Variants in ZNF609 observed in about 807,000 individuals in gnomAD.
The protein encoded by ZNF609 is zinc finger protein 609.
ZNF609 carries 11 observed loss-of-function variants against 109.5 expected under a neutral mutation model. The observed-to-expected ratio is 0.10, with a 90% CI of 0.06 to 0.17. ZNF609 has a LOEUF of 0.17. ZNF609 is among the 10% of genes least tolerant of loss of function. ZNF609 has a pLI of 1.00. For missense variants in ZNF609, 1,559 were observed against 1,772.4 expected, an observed-to-expected ratio of 0.88 and a Z score of 2.16; for synonymous variants, 646 against 662.0, an observed-to-expected ratio of 0.98 and a Z score of 0.37.
intron 3 of ZNF609, among the ~76,000 whole-genome samples, chr15:64,666,601 T>A (rs1896652465): frequency 6.6e-6 from 1 of 151,836 alleles, no homozygotes; most frequent in Non-Finnish European, 1.5e-5. Context: ...CTTGAACACC[T>A]CCTGGGTTCA....
intron 2 of ZNF609, among the ~76,000 whole-genome samples, chr15:64,549,971 G>GT (rs1329088105): frequency 2.6e-5 from 4 of 151,830 alleles, no homozygotes; most frequent in Admixed American, 2.0e-4. Flanking sequence ...TTTTCTTCAT[G>GT]TTTTTTTAAG....
At chr15:64,470,696 A>G (rs1250736459) in intron 1 of ZNF609, 1 of 151,560 alleles carries the variant, frequency 6.6e-6, no homozygotes, top group African/African-American at 2.4e-5. Flanking sequence ...TAATTTTTGT[A>G]TTTTTAGTAG....
intron 2 of ZNF609, among the ~76,000 whole-genome samples, chr15:64,551,996 A>C (rs1221151424): frequency 7.3e-6 from 1 of 137,686 alleles, no homozygotes; most frequent in African/African-American, 2.5e-5. Context: ...AAAAAAAAAA[A>C]AAAAAAGTTT....
intron 2 of ZNF609, among the ~76,000 whole-genome samples, chr15:64,563,830 A>G (rs921927041): frequency 1.3e-5 from 2 of 152,138 alleles, no homozygotes; most frequent in Non-Finnish European, 1.5e-5. Context: ...TATATAATAT[A>G]TATGTAATCC....
intron 2 of ZNF609, among the ~76,000 whole-genome samples, chr15:64,560,070 T>C (rs888839442): frequency 2.6e-5 from 4 of 152,150 alleles, no homozygotes; most frequent in African/African-American, 9.7e-5. Context: ...TTTTTGAGAC[T>C]GAGTCTCGCT....
Position 64,675,745 on chromosome 15 carries a change from G to A in ZNF609, c.2891G>A (p.Arg964His), listed in dbSNP as rs548327054. Residue 964 changes from arginine (R) to histidine (H), a missense_variant, in exon 5 of 10, where the codon CGT (arginine) becomes CAT (histidine). Coordinates refer to ENST00000326648, the MANE Select transcript of ZNF609 (RefSeq NM_015042.2). ...CAGCAGCCCTCGGTCATCCAGCAGC[G>A]TCCCAATATGTACATGCAGTCCCTG... is the stretch of plus-strand genomic sequence containing the variant. ...SSQQPSVIQQ[R>H]PNMYMQSLYY... The A allele has an allele frequency of 1.2e-5, 20 of 1,614,188 alleles. No homozygotes were observed. Among genetic ancestry groups the A allele is most frequent in the South Asian group, 4.4e-5 (4 of 91,086 alleles).
intron 3 of ZNF609, among the ~76,000 whole-genome samples, chr15:64,634,222 A>G (rs1896133844): frequency 6.6e-6 from 1 of 152,064 alleles, no homozygotes; most frequent in Non-Finnish European, 1.5e-5. Flanking sequence ...TACCCAGGAG[A>G]ACATTCGGCC....
At chr15:64,512,027 T>A (rs573379170) in intron 2 of ZNF609, among the ~76,000 whole-genome samples, 67 of 151,980 alleles carry the variant, frequency 4.4e-4, no homozygotes, top group Middle Eastern at 3.4e-3. Flanking sequence ...TTTTTTTTTT[T>A]AAGTTCAACA....
At chr15:64,625,936 TAGAGAGAGAGAGAGAGAGAGAG>T (rs36226491) in intron 3 of ZNF609, among the ~76,000 whole-genome samples, 1 of 79,594 alleles carries the variant, frequency 1.3e-5, no homozygotes, top group Non-Finnish European at 2.1e-5. Context: ...TATATATATA[TAGAGAGAGAGAGAGAGAGAGAG>T]AGAGAGAGAG....
chr15:64,630,091 C>CTT (rs200425813), intron 3 of ZNF609, among the ~76,000 whole-genome samples: 5,005 of 142,192 alleles, frequency 0.035, 452 homozygotes, highest in African/African-American at 0.13. Flanking sequence ...TCCTAATTTT[C>CTT]TTTTTTCTTT....
Position 64,652,021 on chromosome 15 carries a change from C to T in ZNF609, c.974-18325C>T, listed in dbSNP as rs149873331. Among the ~76,000 whole-genome samples the T allele has an allele frequency of 6.0e-3, 911 of 152,134 alleles. 14 individuals are homozygous for T. The highest frequency in any genetic ancestry group is 0.021 in the African/African-American group (875 of 41,512). Reference sequence around the variant, plus strand: ...AACTTAAGACATGAAACCTGAGAGCCCAGTTTACATTTTTCTTTTATTTAT... The same window carrying T: ...AACTTAAGACATGAAACCTGAGAGCTCAGTTTACATTTTTCTTTTATTTAT... On this transcript the variant is annotated intron_variant, in intron 3 of 9. Coordinates refer to ENST00000326648, the MANE Select transcript of ZNF609 (RefSeq NM_015042.2).
chr15:64,663,447 G>T (rs2141006320), intron 3 of ZNF609, among the ~76,000 whole-genome samples: 1 of 152,132 alleles, frequency 6.6e-6, no homozygotes, highest in East Asian at 1.9e-4. Flanking sequence ...GGAGAGGATG[G>T]GTATCAGGAG....
intron 7 of ZNF609, 55 bp from the exon 8 acceptor site, chr15:64,680,591 T>A: frequency 7.8e-7 from 1 of 1,275,654 alleles, no homozygotes. Context: ...GTGTGTGTGG[T>A]TGTATGCATA....
At chr15:64,602,061 T>A (rs1895505670) in intron 2 of ZNF609, among the ~76,000 whole-genome samples, 1 of 152,208 alleles carries the variant, frequency 6.6e-6, no homozygotes, top group African/African-American at 2.4e-5. Context: ...AGATAACATG[T>A]AGAACTCCTG....
chr15:64,648,107 G>A (rs145316567), intron 3 of ZNF609, among the ~76,000 whole-genome samples: 4 of 152,282 alleles, frequency 2.6e-5, no homozygotes, highest in South Asian at 4.1e-4. Context: ...AGTGCAGTGC[G>A]TAAACCATTT....
intron 2 of ZNF609, among the ~76,000 whole-genome samples, chr15:64,517,911 C>G (rs1025361156): frequency 6.6e-6 from 1 of 151,998 alleles, no homozygotes; most frequent in Non-Finnish European, 1.5e-5. Flanking sequence ...TCCCAAGTAT[C>G]TAGGACTACA....
intron 2 of ZNF609, among the ~76,000 whole-genome samples, chr15:64,540,271 G>C (rs1937277842): frequency 6.6e-6 from 1 of 152,214 alleles, no homozygotes; most frequent in South Asian, 2.1e-4. Flanking sequence ...GGTCAAAAGA[G>C]GAAACTCAAG....
chr15:64,601,449 T>A (rs1895496830), intron 2 of ZNF609, among the ~76,000 whole-genome samples: 1 of 152,200 alleles, frequency 6.6e-6, no homozygotes, highest in African/African-American at 2.4e-5. Context: ...CTAAGACTCA[T>A]ACCTAAGGAT....
At chr15:64,576,971 A>C (rs9745073) in intron 2 of ZNF609, among the ~76,000 whole-genome samples, 5,563 of 131,428 alleles carry the variant, frequency 0.042, 628 homozygotes, top group African/African-American at 0.16. Flanking sequence ...TATACACATA[A>C]ATATATATAT....
Sources: gnomAD v4.1 joint callset for allele counts (sites outside exome capture counted in the v4.1 genomes callset) on GRCh38, gnomAD v4.1.1 for gene constraint, MANE v1.5 for transcripts, NCBI Gene and HGNC (gene_info 2026-07-23, HGNC 2026-07-21) for gene names.